The following ADAMTS6 variants were observed in gnomAD, a reference collection of about 807,000 sequenced individuals.
ADAMTS6 encodes ADAM metallopeptidase with thrombospondin type 1 motif 6.
ADAMTS6 carries 23 observed loss-of-function variants against 144.3 expected under a neutral mutation model. That is an observed-to-expected ratio of 0.16 (90% CI 0.11 to 0.23). The LOEUF (loss-of-function observed/expected upper bound fraction) is 0.23. Ranked by LOEUF, ADAMTS6 falls within the 10% of genes least tolerant of loss-of-function variation. The pLI is 1.00. For missense variants in ADAMTS6, 999 were observed against 1,379.6 expected, an observed-to-expected ratio of 0.72 and a Z score of 4.37; for synonymous variants, 444 against 457.5, an observed-to-expected ratio of 0.97 and a Z score of 0.38.
chr5:65,447,976 A>C (rs1758404183), intron 7 of ADAMTS6, among the ~76,000 whole-genome samples: 1 of 150,904 alleles, frequency 6.6e-6, no homozygotes. Flanking sequence ...ATCATTTTAG[A>C]AAATGGCCTA....
chr5:65,292,577 A>T (rs575522934), intron 10 of ADAMTS6, among the ~76,000 whole-genome samples: 1 of 152,260 alleles, frequency 6.6e-6, no homozygotes, highest in South Asian at 2.1e-4. Context: ...TGTCAAAGTC[A>T]ATGTGTTCTA....
chr5:65,456,692 G>A (rs1319639485), intron 4 of ADAMTS6, among the ~76,000 whole-genome samples: 1 of 152,086 alleles, frequency 6.6e-6, no homozygotes, highest in Non-Finnish European at 1.5e-5. Context: ...GAATACATAA[G>A]TAGATAATGA....
chr5:65,473,543 T>C (rs751744874), intron 2 of ADAMTS6, 34 bp downstream of exon 2: 1 of 1,543,460 alleles, frequency 6.5e-7, no homozygotes, highest in Non-Finnish European at 8.9e-7. Flanking sequence ...TTAATAGCAA[T>C]ATTTTTTGTC....
At chr5:65,179,062 C>T (rs1483625948) in intron 22 of ADAMTS6, among the ~76,000 whole-genome samples, 1 of 152,008 alleles carries the variant, frequency 6.6e-6, no homozygotes, top group Admixed American at 6.6e-5. Flanking sequence ...GCTCCAGTCA[C>T]ACCCGGAAGC....
At chr5:65,160,458 C>T (rs1372755033) in intron 24 of ADAMTS6, among the ~76,000 whole-genome samples, 1 of 151,948 alleles carries the variant, frequency 6.6e-6, no homozygotes, top group Admixed American at 6.6e-5. Flanking sequence ...AGGTGCCCAC[C>T]ACCACGCCCG....
At chr5:65,249,897 G>A (rs898887646) in intron 14 of ADAMTS6, among the ~76,000 whole-genome samples, 1 of 152,120 alleles carries the variant, frequency 6.6e-6, no homozygotes, top group African/African-American at 2.4e-5. Flanking sequence ...CAGCTATCTG[G>A]TTCTCAGCTA....
intron 20 of ADAMTS6, among the ~76,000 whole-genome samples, chr5:65,199,175 CA>C (rs1175896329): frequency 6.6e-6 from 1 of 151,978 alleles, no homozygotes; most frequent in Non-Finnish European, 1.5e-5. Context: ...GAAACAAGAA[CA>C]CTGGCATCCA....
chr5:65,418,469 A>T (rs1295673488), intron 7 of ADAMTS6, among the ~76,000 whole-genome samples: 18 of 152,214 alleles, frequency 1.2e-4, no homozygotes. Flanking sequence ...CCTATTGTTT[A>T]CAGAGTCAGA....
intron 24 of ADAMTS6, among the ~76,000 whole-genome samples, chr5:65,156,451 C>T (rs1752428545): frequency 1.3e-5 from 2 of 152,010 alleles, no homozygotes; most frequent in Admixed American, 1.3e-4. Context: ...GAAATTAAAA[C>T]AATAACAAAT....
chr5:65,188,199 C>G lies in ADAMTS6; in HGVS notation c.2727G>C (p.Leu909Phe), dbSNP rs143410831. 913 of 1,613,846 alleles carry G rather than the reference C, an allele frequency of 5.7e-4. No homozygotes were observed. Among genetic ancestry groups the G allele is most frequent in the Non-Finnish European group, 7.4e-4 (872 of 1,180,008 alleles). Residue 909 changes from leucine (L) to phenylalanine (F), a missense_variant, in exon 22 of 25, where the codon TTG (leucine) becomes TTC (phenylalanine). By Grantham distance (22) the Leu-to-Phe change is conservative. Coordinates refer to ENST00000381055, the MANE Select transcript of ADAMTS6 (RefSeq NM_197941.4). ...CACCATCACAAGTCTTGCTGCATTCCAACCAATCCCCAATGAACCACCTGC... is the reference window on the plus strand; with the variant it reads ...CACCATCACAAGTCTTGCTGCATTCGAACCAATCCCCAATGAACCACCTGC... ...CPPEWFIGDW[L>F]ECSKTCDGGM...
At position 65,170,605 on chromosome 5, in the gene ADAMTS6, T is replaced by C. The variant is rs1165499142; in HGVS notation, c.3244+12A>G. 4 of 1,613,434 alleles carry C rather than the reference T, an allele frequency of 2.5e-6. No homozygotes were observed. Among genetic ancestry groups the C allele is most frequent in the South Asian group, 1.1e-5 (1 of 90,878 alleles). ...TTAGAAACCACAGGCCCCTCCTCCA[T>C]GGAAAACTCACCTTCAGTATTAGAA... is the stretch of plus-strand genomic sequence containing the variant. On this transcript the variant is annotated intron_variant, in intron 24 of 24. Coordinates refer to ENST00000381055, the MANE Select transcript of ADAMTS6 (RefSeq NM_197941.4).
intron 8 of ADAMTS6, among the ~76,000 whole-genome samples, chr5:65,331,545 C>G (rs1003973703): frequency 1.3e-5 from 2 of 151,970 alleles, no homozygotes; most frequent in African/African-American, 4.8e-5. Context: ...TTCACAACCC[C>G]CCACAATTTT....
intron 18 of ADAMTS6, among the ~76,000 whole-genome samples, chr5:65,217,656 C>A (rs909637509): frequency 6.6e-6 from 1 of 151,872 alleles, no homozygotes; most frequent in Non-Finnish European, 1.5e-5. Context: ...AAAAGAAGAG[C>A]CTGATGATAC....
chr5:65,248,856 A>G (rs1217003916), intron 14 of ADAMTS6, among the ~76,000 whole-genome samples: 1 of 152,204 alleles, frequency 6.6e-6, no homozygotes, highest in African/African-American at 2.4e-5. Context: ...AAATAAACAA[A>G]CAAGCTCTAT....
rs568349078 is a variant in ADAMTS6, at chr5:65,315,563, C to T, written c.1223+13815G>A. 3.9e-5 allele frequency among the ~76,000 whole-genome samples: 6 copies of T among 151,940 alleles called. No individual in the cohort carries two copies. In the East Asian group the frequency reaches 9.6e-4, roughly 24 times the overall value. ...TAAAAGCCCAAGATTGTCAGAGTGG[C>T]GAAAAATATAAGACCCAACTATATG... On this transcript the variant is annotated intron_variant, in intron 9 of 24. Coordinates refer to ENST00000381055, the MANE Select transcript of ADAMTS6 (RefSeq NM_197941.4).
intron 9 of ADAMTS6, among the ~76,000 whole-genome samples, chr5:65,316,071 G>A (rs1022971838): frequency 4.6e-5 from 7 of 152,080 alleles, no homozygotes; most frequent in South Asian, 4.2e-4. Context: ...GCTGTCACAC[G>A]CTAATTTTTT....
intron 7 of ADAMTS6, among the ~76,000 whole-genome samples, chr5:65,373,781 C>G (rs1049456150): frequency 2.6e-5 from 4 of 152,080 alleles, no homozygotes; most frequent in Non-Finnish European, 5.9e-5. Context: ...ATCCTGATAC[C>G]AAAGCCGGGC....
At chr5:65,280,610 A>G (rs1192453847) in intron 11 of ADAMTS6, among the ~76,000 whole-genome samples, 1 of 152,244 alleles carries the variant, frequency 6.6e-6, no homozygotes, top group African/African-American at 2.4e-5. Flanking sequence ...CTTGTGCATT[A>G]TACTGGCATC....
chr5:65,220,103 C>T (rs1199207165), intron 18 of ADAMTS6, among the ~76,000 whole-genome samples: 2 of 152,088 alleles, frequency 1.3e-5, no homozygotes, highest in African/African-American at 2.4e-5. Context: ...ATGTGCTAGA[C>T]TATAAAAAAA....
Sources: allele counts gnomAD v4.1 joint callset (sites outside exome capture counted in the v4.1 genomes callset), GRCh38; gene constraint gnomAD v4.1.1; transcripts MANE v1.5; gene names NCBI Gene and HGNC (gene_info 2026-07-23, HGNC 2026-07-21).